Variants in TRHDE observed in about 807,000 individuals in gnomAD.
The protein encoded by TRHDE is thyrotropin releasing hormone degrading enzyme, also known as thyrotropin-releasing hormone-degrading ectoenzyme.
TRHDE carries 72 observed loss-of-function variants against 125.7 expected under a neutral mutation model. The ratio of observed to expected loss-of-function variants is 0.57; its 90% CI spans 0.47 to 0.70. The LOEUF (loss-of-function observed/expected upper bound fraction) is 0.70, where lower values mean the gene tolerates loss of function less well. Ranked by LOEUF, TRHDE falls within the 30% of genes least tolerant of loss-of-function variation. The probability of loss-of-function intolerance (pLI) is 0.00; values close to 1 mark genes in which losing one functional copy is unlikely to be tolerated. For synonymous variants in TRHDE, 509 were observed against 509.1 expected (o/e 1.00, Z 0.00); for missense variants, 1,110 against 1,327.1 (o/e 0.84, Z 2.54).
intron 2 of TRHDE, among the ~76,000 whole-genome samples, chr12:72,238,333 T>C (rs1159183202): frequency 0.054 from 1,647 of 30,406 alleles, 225 homozygotes; most frequent in African/African-American, 0.076. Context: ...CATATATATA[T>C]ACACATTATA....
chr12:72,542,436 A>G (rs1427650434), intron 7 of TRHDE, 80 bp downstream of exon 7: 8 of 1,213,630 alleles, frequency 6.6e-6, no homozygotes, highest in East Asian at 2.4e-5. Context: ...CTAATACAAA[A>G]TTGCTGAACT....
At position 72,621,060 on chromosome 12, in the gene TRHDE, A is replaced by G. The variant is rs147490953; in HGVS notation, c.2470-48A>G. 8.7e-3 allele frequency: 8,240 copies of G among 947,426 alleles called. 81 individuals are homozygous for G. Among genetic ancestry groups the G allele is most frequent in the Middle Eastern group, 0.028 (116 of 4,198 alleles). The allele number at this position is 947,426 out of a possible 1,614,324, so 58.7% of individuals were successfully genotyped here. ...TACAGAATTTTAATTGTCAGCATAC[A>G]GAAGTTTTAAACTGACCTTATCTTT... On this transcript the variant is annotated intron_variant, in intron 13 of 18. Transcript: ENST00000261180.
intron 1 of TRHDE, among the ~76,000 whole-genome samples, chr12:72,274,253 G>C (rs901333622): frequency 2.0e-5 from 3 of 152,230 alleles, no homozygotes; most frequent in African/African-American, 7.2e-5. Context: ...GGGCGACTCC[G>C]GTTGTTTGTT....
intron 15 of TRHDE, among the ~76,000 whole-genome samples, chr12:72,640,315 T>A (rs940289905): frequency 6.6e-6 from 1 of 152,238 alleles, no homozygotes; most frequent in African/African-American, 2.4e-5. Flanking sequence ...GGGAACTCCC[T>A]GACCCCCTGC....
At chr12:72,241,211 A>T (rs987216409) in intron 2 of TRHDE, among the ~76,000 whole-genome samples, 3 of 152,212 alleles carry the variant, frequency 2.0e-5, no homozygotes. Flanking sequence ...ACAAATTTTA[A>T]TAAGTGTAGA....
rs541893650 is a variant in TRHDE at position 72,251,196 on chromosome 12, C to T, written n.280-126799C>T. The stretch of plus-strand genomic sequence containing the variant: ...TATGTTTAATTCTATGCAATTTTAT[C>T]ATGTGTAGATTCATGTGACTACCAA... On this transcript the variant is annotated intron_variant and non_coding_transcript_variant, in intron 2 of 4. Transcript: ENST00000548156. Among the ~76,000 whole-genome samples the T allele has an allele frequency of 1.4e-3, 211 of 152,002 alleles. 1 individual carries two copies. The highest frequency in any genetic ancestry group is 4.9e-3 in the African/African-American group (204 of 41,462).
At chr12:72,278,501 T>C (rs907973429) in intron 1 of TRHDE, among the ~76,000 whole-genome samples, 2 of 152,224 alleles carry the variant, frequency 1.3e-5, no homozygotes, top group Admixed American at 6.5e-5. Context: ...TTTAATTTTT[T>C]GATGAACCTC....
chr12:72,533,000 T>C (rs1868639798), intron 6 of TRHDE, among the ~76,000 whole-genome samples: 1 of 152,058 alleles, frequency 6.6e-6, no homozygotes, highest in Admixed American at 6.6e-5. Flanking sequence ...TTTCAATTCC[T>C]TTATAGTACT....
At chr12:72,458,131 T>C (rs1875950303) in intron 3 of TRHDE, among the ~76,000 whole-genome samples, 1 of 152,166 alleles carries the variant, frequency 6.6e-6, no homozygotes, top group Admixed American at 6.6e-5. Context: ...GGTGCTAATA[T>C]ATGTGATTCG....
chr12:72,146,056 C>T (rs548170085), intron 2 of TRHDE, among the ~76,000 whole-genome samples: 12 of 152,016 alleles, frequency 7.9e-5, no homozygotes, highest in South Asian at 4.2e-4. Flanking sequence ...AAATGTGTCA[C>T]GATAATAAGA....
intron 6 of TRHDE, among the ~76,000 whole-genome samples, chr12:72,515,610 T>A (rs1227035683): frequency 6.6e-6 from 1 of 152,170 alleles, no homozygotes; most frequent in Non-Finnish European, 1.5e-5. Flanking sequence ...CTCTGATTGG[T>A]AGTTTCTTTT....
chr12:72,215,876 G>A (rs1385318), intron 2 of TRHDE, among the ~76,000 whole-genome samples: 48,731 of 151,988 alleles, frequency 0.32, 8,371 homozygotes, highest in Middle Eastern at 0.38. Context: ...GAGGATTGTG[G>A]TTATGTTAAT....
intron 7 of TRHDE, among the ~76,000 whole-genome samples, chr12:72,556,834 GA>G (rs1157289837): frequency 6.6e-6 from 1 of 152,120 alleles, no homozygotes; most frequent in African/African-American, 2.4e-5. Flanking sequence ...CACATCTTCA[GA>G]AAAATCAGTG....
chr12:72,088,186 T>C (rs1874712909), intron 1 of TRHDE, among the ~76,000 whole-genome samples: 1 of 152,130 alleles, frequency 6.6e-6, no homozygotes, highest in Non-Finnish European at 1.5e-5. Context: ...GTCATCCACA[T>C]AGATATCAAA....
intron 12 of TRHDE, among the ~76,000 whole-genome samples, chr12:72,576,765 C>T (rs1369615205): frequency 3.3e-5 from 5 of 152,218 alleles, no homozygotes; most frequent in African/African-American, 1.2e-4. Flanking sequence ...GTGCCTCATT[C>T]TGACCAGGCA....
intron 3 of TRHDE, among the ~76,000 whole-genome samples, chr12:72,466,606 TTC>T (rs1565753014): frequency 6.6e-6 from 1 of 152,196 alleles, no homozygotes; most frequent in African/African-American, 2.4e-5. Flanking sequence ...TTCATACCAG[TTC>T]TCTGATCTAT....
At chr12:72,472,601 A>G (rs2135901250) in intron 4 of TRHDE, among the ~76,000 whole-genome samples, 1 of 152,238 alleles carries the variant, frequency 6.6e-6, no homozygotes, top group Non-Finnish European at 1.5e-5. Context: ...ACTACCTTTC[A>G]AGGAAGTATT....
At chr12:72,613,363 C>A (rs1872698892) in intron 12 of TRHDE, among the ~76,000 whole-genome samples, 2 of 152,116 alleles carry the variant, frequency 1.3e-5, no homozygotes, top group Admixed American at 6.5e-5. Flanking sequence ...AGCAAAAATA[C>A]AAATGTCACT....
intron 2 of TRHDE, among the ~76,000 whole-genome samples, chr12:72,144,825 G>A (rs574469886): frequency 6.6e-6 from 1 of 152,294 alleles, no homozygotes; most frequent in Admixed American, 6.5e-5. Flanking sequence ...ATGTAGTAGT[G>A]CCTGGTGTTC....
Sources: gnomAD v4.1 joint callset for allele counts (sites outside exome capture counted in the v4.1 genomes callset) on GRCh38, gnomAD v4.1.1 for gene constraint, MANE v1.5 for transcripts, NCBI Gene and HGNC (gene_info 2026-07-23, HGNC 2026-07-21) for gene names.